Variants in LUZP2 observed in about 807,000 individuals in gnomAD.
The protein encoded by LUZP2 is leucine zipper protein 2.
Under a neutral mutation model 51.6 loss-of-function variants are expected in LUZP2, and 52 were observed. The observed-to-expected ratio is 1.01, with a 90% confidence interval of 0.81 to 1.27. The LOEUF (loss-of-function observed/expected upper bound fraction) is 1.27, where lower values mean the gene tolerates loss of function less well. Ranked by LOEUF, LUZP2 falls within the 50% of genes most tolerant of loss-of-function variation. The pLI, the probability that LUZP2 is intolerant of heterozygous loss-of-function variation, is 0.00. For synonymous variants in LUZP2, 154 were observed against 137.3 expected (o/e 1.12, Z -0.85); for missense variants, 436 against 395.4 (o/e 1.10, Z -0.87).
intron 1 of LUZP2, among the ~76,000 whole-genome samples, chr11:24,601,082 T>C (rs1565019007): frequency 6.6e-6 from 1 of 152,114 alleles, no homozygotes; most frequent in East Asian, 1.9e-4. Context: ...TTTCCTTAGG[T>C]GAAGACATAA....
intron 1 of LUZP2, among the ~76,000 whole-genome samples, chr11:24,525,820 T>C (rs988881692): frequency 1.3e-5 from 2 of 151,396 alleles, no homozygotes; most frequent in Admixed American, 6.6e-5. Context: ...TTCTGTGACA[T>C]ACATTAGTTG....
At chr11:24,952,417 A>C in intron 7 of LUZP2, among the ~76,000 whole-genome samples, 1 of 151,902 alleles carries the variant, frequency 6.6e-6, no homozygotes, top group Non-Finnish European at 1.5e-5. Context: ...TTCAATAAAT[A>C]GAATAATAAT....
At chr11:24,912,334 T>C (rs1297669418) in intron 6 of LUZP2, among the ~76,000 whole-genome samples, 1 of 152,092 alleles carries the variant, frequency 6.6e-6, no homozygotes, top group Non-Finnish European at 1.5e-5. Flanking sequence ...TGACTTATAA[T>C]AGAAATATCT....
intron 1 of LUZP2, among the ~76,000 whole-genome samples, chr11:24,658,619 C>T (rs1381963323): frequency 1.3e-5 from 2 of 152,044 alleles, no homozygotes; most frequent in African/African-American, 4.8e-5. Flanking sequence ...AAAGAAACTA[C>T]CATCAGAGTG....
At chr11:24,727,753 C>T (rs1180055397) in intron 1 of LUZP2, among the ~76,000 whole-genome samples, 1 of 151,832 alleles carries the variant, frequency 6.6e-6, no homozygotes, top group Non-Finnish European at 1.5e-5. Flanking sequence ...ATTCACAAGG[C>T]CAGCGAGAAT....
intron 10 of LUZP2, among the ~76,000 whole-genome samples, chr11:25,053,207 G>A (rs565501863): frequency 1.3e-5 from 2 of 152,192 alleles, no homozygotes; most frequent in Non-Finnish European, 2.9e-5. Context: ...AGTGTAACAT[G>A]AGCCCCAAAT....
At chr11:24,832,380 T>A (rs1031552352) in intron 5 of LUZP2, among the ~76,000 whole-genome samples, 1 of 151,994 alleles carries the variant, frequency 6.6e-6, no homozygotes, top group African/African-American at 2.4e-5. Flanking sequence ...GGGACTGATA[T>A]GGTTTTAAGG....
chr11:24,518,403 G>A (rs924140917), intron 1 of LUZP2, among the ~76,000 whole-genome samples: 3 of 151,938 alleles, frequency 2.0e-5, no homozygotes, highest in Non-Finnish European at 4.4e-5. Flanking sequence ...TTGTAACATT[G>A]TATATTTACA....
At chr11:24,870,601 G>T (rs1242669407) in intron 5 of LUZP2, among the ~76,000 whole-genome samples, 1 of 151,964 alleles carries the variant, frequency 6.6e-6, no homozygotes, top group African/African-American at 2.4e-5. Flanking sequence ...TTAGAGTAAG[G>T]ACTTGAGTAA....
At chr11:24,972,682 A>T (rs1855775448) in intron 7 of LUZP2, among the ~76,000 whole-genome samples, 2 of 152,072 alleles carry the variant, frequency 1.3e-5, no homozygotes, top group Non-Finnish European at 2.9e-5. Context: ...TGAGATAATC[A>T]TGTGGGTTTT....
At chr11:24,648,474 A>G (rs1390242322) in intron 1 of LUZP2, among the ~76,000 whole-genome samples, 2 of 151,946 alleles carry the variant, frequency 1.3e-5, no homozygotes, top group Non-Finnish European at 2.9e-5. Flanking sequence ...TACCCATCCA[A>G]TAATTTGTGT....
chr11:24,837,806 A>G (rs1021422879), intron 5 of LUZP2, among the ~76,000 whole-genome samples: 1 of 151,682 alleles, frequency 6.6e-6, no homozygotes, highest in Non-Finnish European at 1.5e-5. Flanking sequence ...TGCTCAATAT[A>G]CTATAATTCC....
In LUZP2 at chr11:25,081,641, A is replaced by G. The variant is rs1220164296; in HGVS notation, c.*2983A>G. The G allele has an allele frequency of 6.6e-6, 1 of 152,154 alleles. No individual in the cohort carries two copies. Among genetic ancestry groups the G allele is most frequent in the Non-Finnish European group, 1.5e-5 (1 of 68,022 alleles). 9.4% of individuals were successfully genotyped at this position (152,154 alleles called of 1,614,324 possible). A position where few individuals can be genotyped will look rare whatever the true frequency, so the allele number is the denominator to read the frequency against. ...GTCTATGAGAGAGGGGCCATTTCTC[A>G]CATATTTTAATTAACAACTAAATAA... On this transcript the variant is annotated 3_prime_UTR_variant, in exon 12 of 12. Transcript: ENST00000336930.
chr11:24,806,376 T>A (rs1332840616), intron 5 of LUZP2, among the ~76,000 whole-genome samples: 1 of 152,180 alleles, frequency 6.6e-6, no homozygotes, highest in African/African-American at 2.4e-5. Context: ...CAGCCTCCAC[T>A]ATTGCCAGAG....
chr11:24,714,488 G>A (rs1054583247), intron 1 of LUZP2, among the ~76,000 whole-genome samples: 4 of 152,054 alleles, frequency 2.6e-5, no homozygotes, highest in Admixed American at 1.3e-4. Context: ...GATTTGGCAC[G>A]GAGTAATATT....
In LUZP2 at chr11:24,922,825, CTTTTTTTTTTTCTTTTTTTTTT is replaced by C. The variant is rs1389580715; in HGVS notation, c.522+8299_522+8320del. Among the ~76,000 whole-genome samples, 372 of 44,612 alleles carry C rather than the reference CTTTTTTTTTTTCTTTTTTTTTT, an allele frequency of 8.3e-3. 8 individuals carry two copies. Among genetic ancestry groups the C allele is most frequent in the African/African-American group, 0.015 (335 of 21,920 alleles). 29.3% of individuals were successfully genotyped at this position (44,612 alleles called of 152,430 possible). A position where few individuals can be genotyped will look rare whatever the true frequency, so the allele number is the denominator to read the frequency against. ...GGACTACCAAGTGGCACAGTTATAT[CTTTTTTTTTTTCTTTTTTTTTT>C]TTTTTTTTTTTTTTTTTTTTAGAGG... On this transcript the variant is annotated intron_variant, in intron 7 of 11. Coordinates refer to ENST00000336930, the MANE Select transcript of LUZP2 (RefSeq NM_001009909.4).
rs974779159 is a variant in LUZP2, at chr11:25,082,431, A to G, written c.*3773A>G. ...ATAATTATTGACACCGTAGAGTACC[A>G]TAGAGTAGGTTGAACTGGCCAGACC... On this transcript the variant is annotated 3_prime_UTR_variant, in exon 12 of 12. Transcript: ENST00000336930. The G allele has an allele frequency of 1.3e-5, 2 of 152,598 alleles. No homozygotes were observed. Among genetic ancestry groups the G allele is most frequent in the African/African-American group, 4.8e-5 (2 of 41,456 alleles). The allele number at this position is 152,598 out of a possible 1,614,324, so 9.5% of individuals were successfully genotyped here. A position where few individuals can be genotyped will look rare whatever the true frequency, so the allele number is the denominator to read the frequency against.
At chr11:24,574,203 T>TCTTC (rs1230267994) in intron 1 of LUZP2, among the ~76,000 whole-genome samples, 541 of 5,586 alleles carry the variant, frequency 0.097, 18 homozygotes, top group Middle Eastern at 0.38. Context: ...TCTTTCTCTT[T>TCTTC]CTTCCTTCCT....
chr11:24,940,082 GA>G (rs1854700087), intron 7 of LUZP2, among the ~76,000 whole-genome samples: 1 of 151,158 alleles, frequency 6.6e-6, no homozygotes. Context: ...GGTGAATATA[GA>G]AAAAAAGGAG....
Sources: gnomAD v4.1 joint callset for allele counts (sites outside exome capture counted in the v4.1 genomes callset) on GRCh38, gnomAD v4.1.1 for gene constraint, MANE v1.5 for transcripts, NCBI Gene and HGNC (gene_info 2026-07-23, HGNC 2026-07-21) for gene names.